The following LCP1 variants were observed in gnomAD, a reference collection of about 807,000 sequenced individuals.
LCP1 encodes lymphocyte cytosolic protein 1.
A neutral mutation model predicts 72.0 loss-of-function variants in LCP1; 23 were observed. The observed-to-expected ratio is 0.32, with a 90% CI of 0.23 to 0.45. The LOEUF (loss-of-function observed/expected upper bound fraction) is 0.45, where lower values mean the gene tolerates loss of function less well. LCP1 is among the 20% of genes least tolerant of loss of function. The pLI, the probability that LCP1 is intolerant of heterozygous loss-of-function variation, is 1.00. For synonymous variants in LCP1, 245 were observed against 275.4 expected, an observed-to-expected ratio of 0.89 and a Z score of 1.09; for missense variants, 571 against 748.3, an observed-to-expected ratio of 0.76 and a Z score of 2.76.
Position 46,178,566 on chromosome 13 carries a change from T to C in LCP1, c.-25+3545A>G, listed in dbSNP as rs527866966. The stretch of plus-strand genomic sequence containing the variant: ...AGAACATTAACACTTTTTTAAGGAG[T>C]GCGCTTCCATCTGGCAAAATAGGAA... On this transcript the variant is annotated intron_variant, in intron 1 of 15. Coordinates refer to ENST00000323076, the MANE Select transcript of LCP1 (RefSeq NM_002298.5). Among the ~76,000 whole-genome samples the C allele has an allele frequency of 2.0e-5, 3 of 152,162 alleles. No homozygotes were observed. The South Asian group carries it at 6.2e-4, about 32-fold the overall frequency.
At chr13:46,175,027 G>A (rs1288580078) in intron 1 of LCP1, among the ~76,000 whole-genome samples, 1 of 151,968 alleles carries the variant, frequency 6.6e-6, no homozygotes, top group Non-Finnish European at 1.5e-5. Context: ...ATGAGAGAGA[G>A]GAAAGGTGTG....
chr13:46,168,396 G>C (rs1251099619), intron 1 of LCP1: 3 of 152,250 alleles, frequency 2.0e-5, no homozygotes, highest in African/African-American at 7.2e-5. Context: ...TGGAGCAAGT[G>C]AGGGAGTGGG....
intron 1 of LCP1, among the ~76,000 whole-genome samples, chr13:46,173,333 G>A (rs7338612): frequency 0.079 from 12,038 of 152,144 alleles, 560 homozygotes; most frequent in African/African-American, 0.11. Flanking sequence ...CAATCACACC[G>A]TTCATTTCAT....
chr13:46,132,544 A>G (rs2045640460), intron 14 of LCP1, among the ~76,000 whole-genome samples: 1 of 152,234 alleles, frequency 6.6e-6, no homozygotes, highest in South Asian at 2.1e-4. Context: ...GCCCTAAGAC[A>G]TGAACAAGGA....
intron 1 of LCP1, among the ~76,000 whole-genome samples, chr13:46,181,569 G>A (rs1239789646): frequency 6.6e-6 from 1 of 152,000 alleles, no homozygotes; most frequent in Non-Finnish European, 1.5e-5. Context: ...AAAAACCCTT[G>A]GCGCCAAAAA....
chr13:46,180,965 C>G (rs1231108297), intron 1 of LCP1, among the ~76,000 whole-genome samples: 2 of 152,146 alleles, frequency 1.3e-5, no homozygotes, highest in Non-Finnish European at 2.9e-5. Context: ...TTTGCAGTTT[C>G]CAGAAATTCA....
intron 8 of LCP1, 52 bp from the exon 9 acceptor site, chr13:46,148,499 C>A: frequency 9.3e-7 from 1 of 1,071,768 alleles, no homozygotes; most frequent in Non-Finnish European, 1.4e-6. Flanking sequence ...TAATTACATA[C>A]TTAGCATAAC....
intron 15 of LCP1, among the ~76,000 whole-genome samples, chr13:46,129,026 GTCTC>G (rs1750470672): frequency 6.6e-6 from 1 of 151,904 alleles, no homozygotes; most frequent in Admixed American, 6.6e-5. Context: ...TTTTCTCCTT[GTCTC>G]TCTCTCAATA....
chr13:46,165,193 G>A (rs993705552), intron 1 of LCP1, among the ~76,000 whole-genome samples: 1 of 151,992 alleles, frequency 6.6e-6, no homozygotes, highest in African/African-American at 2.4e-5. Flanking sequence ...GGGCAACATG[G>A]TGAAACCCCA....
At position 46,134,177 on chromosome 13, in the gene LCP1, T is replaced by A; in HGVS notation, c.1576A>T (p.Asn526Tyr). 1 of 1,613,574 alleles carries A rather than the reference T, an allele frequency of 6.2e-7. No individual in the cohort carries two copies. The highest frequency in any genetic ancestry group is 1.1e-5 in the South Asian group (1 of 91,076). The change falls in exon 14 of 16, where the codon AAT becomes TAT. Residue 526 changes from asparagine (N) to tyrosine (Y), a missense_variant. Transcript: ENST00000323076. ...TTCTTTGCTTCCCTCAATGTTTCAT[T>A]CACCCAGTTGACAATAATGTCATCA... is the stretch of plus-strand genomic sequence containing the variant. ...VNDDIIVNWV[N>Y]ETLREAKKSS...
intron 13 of LCP1, among the ~76,000 whole-genome samples, chr13:46,139,534 T>C (rs995663593): frequency 1.3e-5 from 2 of 152,228 alleles, no homozygotes; most frequent in Non-Finnish European, 2.9e-5. Flanking sequence ...ACATGCAGTT[T>C]CTGGGGCTTC....
intron 2 of LCP1, 46 bp from the exon 3 acceptor site, chr13:46,159,035 C>T: frequency 6.3e-7 from 1 of 1,590,098 alleles, no homozygotes; most frequent in Non-Finnish European, 8.6e-7. Flanking sequence ...ATTCAGGCAA[C>T]AGCTTTTAGA....
chr13:46,148,672 G>T, intron 8 of LCP1: 1 of 486,462 alleles, frequency 2.1e-6, no homozygotes, highest in Non-Finnish European at 3.4e-6. Flanking sequence ...AAATAGACAA[G>T]ATATACACAA....
At chr13:46,179,347 C>A (rs2045945912) in intron 1 of LCP1, among the ~76,000 whole-genome samples, 1 of 152,102 alleles carries the variant, frequency 6.6e-6, no homozygotes, top group Non-Finnish European at 1.5e-5. Flanking sequence ...CAATCAAAGT[C>A]TTTCATGCGT....
chr13:46,148,537 T>C, intron 8 of LCP1, 90 bp from the exon 9 acceptor site: 1 of 813,478 alleles, frequency 1.2e-6, no homozygotes, highest in South Asian at 1.5e-5. Flanking sequence ...AAACATTTTA[T>C]TTCATATTCA....
At chr13:46,145,107 T>C (rs189702820) in intron 10 of LCP1, among the ~76,000 whole-genome samples, 1 of 152,292 alleles carries the variant, frequency 6.6e-6, no homozygotes, top group African/African-American at 2.4e-5. Flanking sequence ...GTGTGTGTTG[T>C]ACAGCCCAAT....
intron 1 of LCP1, among the ~76,000 whole-genome samples, chr13:46,162,750 CCTGG>C (rs2045849265): frequency 6.6e-6 from 1 of 151,962 alleles, no homozygotes; most frequent in Admixed American, 6.6e-5. Flanking sequence ...AGCGTCTCTG[CCTGG>C]CCGCCCATCG....
intron 7 of LCP1, 38 bp from the exon 8 acceptor site, chr13:46,151,116 C>T (rs200977090): frequency 1.3e-5 from 20 of 1,583,214 alleles, no homozygotes; most frequent in African/African-American, 1.4e-5. Flanking sequence ...ATAAATGCAG[C>T]GATGTTGGGG....
chr13:46,179,356 G>C (rs764961878), intron 1 of LCP1, among the ~76,000 whole-genome samples: 1 of 152,094 alleles, frequency 6.6e-6, no homozygotes, highest in African/African-American at 2.4e-5. Context: ...TCTTTCATGC[G>C]TATGTAAGAA....
Sources: gnomAD v4.1 joint callset for allele counts (sites outside exome capture counted in the v4.1 genomes callset) on GRCh38, gnomAD v4.1.1 for gene constraint, MANE v1.5 for transcripts, NCBI Gene and HGNC (gene_info 2026-07-23, HGNC 2026-07-21) for gene names.